HPSE2: variants seen among roughly 807,000 people sequenced by gnomAD.
HPSE2 encodes the protein inactive heparanase-2.
A neutral mutation model predicts 60.5 loss-of-function variants in HPSE2; 38 were observed. The observed-to-expected ratio is 0.63, with a 90% CI of 0.48 to 0.82. The LOEUF is 0.82. Ranked by LOEUF, HPSE2 falls within the 40% of genes least tolerant of loss-of-function variation. HPSE2 has a pLI of 0.00. For synonymous variants in HPSE2, 295 were observed against 293.2 expected, an observed-to-expected ratio of 1.01 and a Z score of -0.06; for missense variants, 713 against 740.4, an observed-to-expected ratio of 0.96 and a Z score of 0.43.
chr10:98,575,752 G>A, intron 9 of HPSE2, among the ~76,000 whole-genome samples: 1 of 152,172 alleles, frequency 6.6e-6, no homozygotes, highest in African/African-American at 2.4e-5. Flanking sequence ...ATGCCATGGT[G>A]CAGATTCTTG....
At chr10:98,532,634 C>T (rs1403667501) in intron 9 of HPSE2, among the ~76,000 whole-genome samples, 8 of 152,142 alleles carry the variant, frequency 5.3e-5, no homozygotes, top group Non-Finnish European at 1.0e-4. Context: ...ACAGAGTTTT[C>T]GTCCAAGTGT....
chr10:99,259,305 C>A, the HPSE2 span, among the ~76,000 whole-genome samples: 8 of 58,458 alleles, frequency 1.4e-4, no homozygotes, highest in South Asian at 8.9e-4. Context: ...AAACCCCCCC[C>A]ACCAAAAAAA....
At chr10:99,114,041 C>T (rs554172187) in intron 3 of HPSE2, among the ~76,000 whole-genome samples, 3 of 152,218 alleles carry the variant, frequency 2.0e-5, no homozygotes, top group South Asian at 4.1e-4. Flanking sequence ...ATGTGAACTG[C>T]AACACGTTGA....
intron 9 of HPSE2, among the ~76,000 whole-genome samples, chr10:98,543,850 A>G (rs1206272957): frequency 6.6e-6 from 1 of 152,094 alleles, no homozygotes; most frequent in Non-Finnish European, 1.5e-5. Flanking sequence ...TGACCTACAA[A>G]GAGACTTAGA....
At chr10:99,026,458 GA>G (rs1479190988) in intron 3 of HPSE2, among the ~76,000 whole-genome samples, 2 of 152,008 alleles carry the variant, frequency 1.3e-5, no homozygotes, top group African/African-American at 4.8e-5. Context: ...GGAGCACCTA[GA>G]TATATAAGTA....
At chr10:99,153,453 C>T (rs1345310447) in intron 2 of HPSE2, among the ~76,000 whole-genome samples, 5 of 152,308 alleles carry the variant, frequency 3.3e-5, no homozygotes, top group South Asian at 4.1e-4. Flanking sequence ...CCCTGACCCC[C>T]GAGCAGCCTA....
At chr10:98,482,032 C>A (rs914649551) in intron 11 of HPSE2, among the ~76,000 whole-genome samples, 2 of 152,084 alleles carry the variant, frequency 1.3e-5, no homozygotes, top group African/African-American at 4.8e-5. Flanking sequence ...GGTCACAGAG[C>A]CCTCAAAATA....
At chr10:98,821,960 T>A (rs1261732006) in intron 3 of HPSE2, among the ~76,000 whole-genome samples, 2 of 152,136 alleles carry the variant, frequency 1.3e-5, no homozygotes, top group Non-Finnish European at 2.9e-5. Flanking sequence ...GTCTTGGGCA[T>A]CATATAAAAA....
At position 98,968,655 on chromosome 10, in the gene HPSE2, C is replaced by T. The variant is rs1022529875; in HGVS notation, c.610+175583G>A. ...TGTGGTATATATACACCATGGAATG[C>T]TATTCAGTCATAAAACAGAATGAAA... On this transcript the variant is annotated intron_variant, in intron 3 of 11. Coordinates refer to ENST00000370552, the MANE Select transcript of HPSE2 (RefSeq NM_021828.5). Among the ~76,000 whole-genome samples the T allele has an allele frequency of 3.9e-5, 6 of 152,272 alleles. No homozygotes were observed. In the South Asian group the frequency reaches 1.2e-3, roughly 32 times the overall value.
At chr10:98,663,736 G>T (rs370098258) in intron 6 of HPSE2, among the ~76,000 whole-genome samples, 47 of 152,282 alleles carry the variant, frequency 3.1e-4, no homozygotes, top group African/African-American at 1.1e-3. Flanking sequence ...CTGATACAGA[G>T]AGCCACCCAG....
At chr10:98,615,072 C>T (rs769675229) in intron 8 of HPSE2, 54 bp from the exon 9 acceptor site, 1 of 1,303,032 alleles carries the variant, frequency 7.7e-7, no homozygotes, top group Non-Finnish European at 1.1e-6. Flanking sequence ...TGGCATATAA[C>T]AAGCTCTATA....
At chr10:98,716,610 T>C (rs1948797583) in intron 5 of HPSE2, among the ~76,000 whole-genome samples, 2 of 152,048 alleles carry the variant, frequency 1.3e-5, no homozygotes, top group African/African-American at 4.8e-5. Context: ...ATGGCAGCTA[T>C]GGCCTTATAA....
chr10:99,277,283 T>A, the HPSE2 span, among the ~76,000 whole-genome samples: 1 of 152,270 alleles, frequency 6.6e-6, no homozygotes, highest in Admixed American at 6.5e-5. Flanking sequence ...ATAGATAATC[T>A]CATTAATTCT....
intron 3 of HPSE2, among the ~76,000 whole-genome samples, chr10:98,987,952 T>C (rs1220765012): frequency 1.3e-5 from 2 of 152,202 alleles, no homozygotes; most frequent in African/African-American, 2.4e-5. Context: ...GTGAAGCACC[T>C]CTTCAAGGAG....
At chr10:98,889,508 G>A (rs932559132) in intron 3 of HPSE2, among the ~76,000 whole-genome samples, 4 of 151,804 alleles carry the variant, frequency 2.6e-5, no homozygotes, top group Admixed American at 2.0e-4. Context: ...GCACCCAGCC[G>A]GTTTTTAAAC....
At chr10:99,226,940 T>C (rs1238009432) in intron 2 of HPSE2, among the ~76,000 whole-genome samples, 2 of 152,088 alleles carry the variant, frequency 1.3e-5, no homozygotes, top group Non-Finnish European at 2.9e-5. Flanking sequence ...CTGCCATTCT[T>C]TGTCTAGCAT....
chr10:98,512,840 C>CACACACACACACACACACACAT (rs1942461792), intron 9 of HPSE2, among the ~76,000 whole-genome samples: 3 of 151,366 alleles, frequency 2.0e-5, no homozygotes, highest in Non-Finnish European at 4.4e-5. Context: ...CACACACACA[C>CACACACACACACACACACACAT]ACAGGCACAC....
chr10:98,981,056 C>T (rs763349324), intron 3 of HPSE2, among the ~76,000 whole-genome samples: 4 of 152,036 alleles, frequency 2.6e-5, no homozygotes, highest in Non-Finnish European at 5.9e-5. Flanking sequence ...TACATGGCAA[C>T]GTTCCAACAT....
At chr10:98,906,885 A>G (rs1953834986) in intron 3 of HPSE2, among the ~76,000 whole-genome samples, 1 of 149,974 alleles carries the variant, frequency 6.7e-6, no homozygotes, top group Non-Finnish European at 1.5e-5. Flanking sequence ...GCCTGGTGAC[A>G]GACTGAAACT....
Sources: gnomAD v4.1 joint callset for allele counts (sites outside exome capture counted in the v4.1 genomes callset) on GRCh38, gnomAD v4.1.1 for gene constraint, MANE v1.5 for transcripts, NCBI Gene and HGNC (gene_info 2026-07-23, HGNC 2026-07-21) for gene names.